FSHR: variants seen among roughly 807,000 people sequenced by gnomAD.
FSHR encodes the protein follicle stimulating hormone receptor.
A neutral mutation model predicts 52.1 loss-of-function variants in FSHR; 46 were observed. That is an observed-to-expected ratio of 0.88 (90% CI 0.70 to 1.13). The LOEUF (loss-of-function observed/expected upper bound fraction) is 1.13. FSHR is among the 50% of genes most tolerant of loss of function. The probability of loss-of-function intolerance (pLI) is 0.00; values close to 1 mark genes in which losing one functional copy is unlikely to be tolerated. For missense variants in FSHR, 964 were observed against 834.6 expected (o/e 1.16, Z -1.91); for synonymous variants, 399 against 309.6 (o/e 1.29, Z -3.03).
At chr2:49,077,543 C>G (rs1281279087) in intron 1 of FSHR, among the ~76,000 whole-genome samples, 2 of 152,210 alleles carry the variant, frequency 1.3e-5, no homozygotes, top group African/African-American at 4.8e-5. Flanking sequence ...TATTAACATT[C>G]AGCTGCTTGT....
intron 1 of FSHR, among the ~76,000 whole-genome samples, chr2:49,087,070 G>GTTTTTTTTTTTTTTTTTTTTTT (rs56890721): frequency 1.2e-5 from 1 of 86,728 alleles, no homozygotes; most frequent in African/African-American, 4.3e-5. Flanking sequence ...TGTGGGCAGG[G>GTTTTTTTTTTTTTTTTTTTTTT]TTTTTTTTTT....
intron 1 of FSHR, among the ~76,000 whole-genome samples, chr2:49,134,870 T>A (rs1281944068): frequency 1.0e-4 from 15 of 148,984 alleles, no homozygotes; most frequent in East Asian, 3.9e-4. Flanking sequence ...AACAATGAGA[T>A]CACATGGACA....
chr2:49,112,988 G>T (rs1384271867), intron 1 of FSHR, among the ~76,000 whole-genome samples: 1 of 152,082 alleles, frequency 6.6e-6, no homozygotes, highest in Non-Finnish European at 1.5e-5. Context: ...GAAGGGAAAA[G>T]AAAAGCCTCC....
intron 2 of FSHR, among the ~76,000 whole-genome samples, chr2:49,054,806 T>C (rs114645762): frequency 0.04 from 6,067 of 152,222 alleles, 184 homozygotes; most frequent in Middle Eastern, 0.061. Flanking sequence ...ATGACACAGA[T>C]ACTACACTAT....
intron 1 of FSHR, among the ~76,000 whole-genome samples, chr2:49,141,967 G>A (rs1321729695): frequency 6.6e-6 from 1 of 152,196 alleles, no homozygotes; most frequent in Non-Finnish European, 1.5e-5. Flanking sequence ...AATAGGGACA[G>A]TAATAGCTAC....
chr2:49,008,110 C>T (rs1667132954), intron 4 of FSHR, among the ~76,000 whole-genome samples: 1 of 149,048 alleles, frequency 6.7e-6, no homozygotes, highest in Admixed American at 6.7e-5. Flanking sequence ...ATGTGCCATG[C>T]TGGTGCACTG....
At chr2:49,035,802 C>T (rs1283207308) in intron 2 of FSHR, among the ~76,000 whole-genome samples, 10 of 152,310 alleles carry the variant, frequency 6.6e-5, no homozygotes, top group Non-Finnish European at 1.5e-4. Flanking sequence ...TAAAGGACTA[C>T]AGTCCTTAAA....
intron 1 of FSHR, among the ~76,000 whole-genome samples, chr2:49,110,305 T>C (rs1671378074): frequency 6.6e-6 from 1 of 152,184 alleles, no homozygotes; most frequent in Non-Finnish European, 1.5e-5. Flanking sequence ...AGATAAATCC[T>C]GGGAAGTGGT....
At chr2:49,028,738 T>C (rs1225998298) in intron 2 of FSHR, among the ~76,000 whole-genome samples, 2 of 152,200 alleles carry the variant, frequency 1.3e-5, no homozygotes, top group Non-Finnish European at 2.9e-5. Context: ...TGCTTCTCCA[T>C]ACACTGTCTC....
chr2:48,982,888 A>T, intron 8 of FSHR, 24 bp downstream of exon 8: 1 of 1,596,550 alleles, frequency 6.3e-7, no homozygotes, highest in East Asian at 2.2e-5. Flanking sequence ...GCTCTTACAC[A>T]CAGAAATGGG....
chr2:49,014,386 C>T (rs573491095), intron 4 of FSHR, among the ~76,000 whole-genome samples: 1 of 152,096 alleles, frequency 6.6e-6, no homozygotes, highest in Non-Finnish European at 1.5e-5. Flanking sequence ...CAAAGTGAGA[C>T]AGAAAGACAC....
rs1670239100 is a variant in FSHR, at chr2:49,083,067, A to G, written c.153-14777T>C. 2.6e-5 allele frequency among the ~76,000 whole-genome samples: 4 copies of G among 151,602 alleles called. No homozygotes were observed. In the South Asian group the frequency reaches 8.4e-4, roughly 32 times the overall value. ...GTCAGATTCACCAAAGTTGAAATGAAGGAAAAAATGTTAAGGGCAGCCAGA... is the reference window on the plus strand; with the variant it reads ...GTCAGATTCACCAAAGTTGAAATGAGGGAAAAAATGTTAAGGGCAGCCAGA... On this transcript the variant is annotated intron_variant, in intron 1 of 9. Coordinates refer to ENST00000406846, the MANE Select transcript of FSHR (RefSeq NM_000145.4).
At chr2:48,975,018 A>C (rs1207398824) in intron 8 of FSHR, among the ~76,000 whole-genome samples, 1 of 152,196 alleles carries the variant, frequency 6.6e-6, no homozygotes, top group Non-Finnish European at 1.5e-5. Context: ...AAAAGACATC[A>C]GTTATTCACA....
intron 1 of FSHR, among the ~76,000 whole-genome samples, chr2:49,086,472 A>T (rs138568596): frequency 5.3e-4 from 81 of 152,256 alleles, no homozygotes; most frequent in African/African-American, 1.9e-3. Context: ...TAAGACTTTG[A>T]GATTTCTGGT....
chr2:49,009,432 T>C (rs1416148860), intron 4 of FSHR, among the ~76,000 whole-genome samples: 1 of 151,290 alleles, frequency 6.6e-6, no homozygotes, highest in East Asian at 2.0e-4. Flanking sequence ...TACTGTAGCC[T>C]TGTAGTATAG....
chr2:49,099,659 C>T (rs758371942), intron 1 of FSHR, among the ~76,000 whole-genome samples: 53 of 151,910 alleles, frequency 3.5e-4, no homozygotes, highest in Non-Finnish European at 6.5e-4. Context: ...GAAAAGAATG[C>T]CATGTGAAGA....
chr2:49,145,288 C>A, intron 1 of FSHR, among the ~76,000 whole-genome samples: 1 of 152,084 alleles, frequency 6.6e-6, no homozygotes, highest in African/African-American at 2.4e-5. Flanking sequence ...TTTAGTCAAA[C>A]TTAAATATTT....
intron 2 of FSHR, among the ~76,000 whole-genome samples, chr2:49,066,576 G>A (rs1313822653): frequency 6.6e-6 from 1 of 152,098 alleles, no homozygotes; most frequent in Non-Finnish European, 1.5e-5. Context: ...GTGTATCGCT[G>A]TGCCAGTTCA....
At position 48,968,805 on chromosome 2, in the gene FSHR, A is replaced by G; in HGVS notation, c.747T>C (p.Thr249=). 6.2e-7 allele frequency: 1 copy of G among 1,614,124 alleles called. No individual in the cohort carries two copies. The highest frequency in any genetic ancestry group is 1.1e-5 in the South Asian group (1 of 91,082). ...GAGTAGGCAGCTTTTTTAAGTTGTA[A>G]GTCGACCTGGCCCTCAGCTTCTTAA... ...ENLKKLRARS[T]YNLKKLPTLE... The change falls in exon 9 of 10, where the codon ACT becomes ACC. Residue 249 remains threonine (T), a synonymous_variant. Coordinates refer to ENST00000406846, the MANE Select transcript of FSHR (RefSeq NM_000145.4).
Sources: allele counts gnomAD v4.1 joint callset (sites outside exome capture counted in the v4.1 genomes callset), GRCh38; gene constraint gnomAD v4.1.1; transcripts MANE v1.5; gene names NCBI Gene and HGNC (gene_info 2026-07-23, HGNC 2026-07-21).